Variants in NUP214 observed in about 807,000 individuals in gnomAD.
NUP214 encodes nuclear pore complex protein Nup214.
A neutral mutation model predicts 196.2 loss-of-function variants in NUP214; 79 were observed. The observed-to-expected ratio is 0.40, with a 90% CI of 0.34 to 0.49. The LOEUF (loss-of-function observed/expected upper bound fraction) is 0.49, where lower values mean the gene tolerates loss of function less well. Ranked by LOEUF, NUP214 falls within the 20% of genes least tolerant of loss-of-function variation. The probability of loss-of-function intolerance (pLI) is 0.58; values close to 1 mark genes in which losing one functional copy is unlikely to be tolerated. For missense variants in NUP214, 2,468 were observed against 2,539.0 expected, an observed-to-expected ratio of 0.97 and a Z score of 0.60; for synonymous variants, 1,020 against 990.5, an observed-to-expected ratio of 1.03 and a Z score of -0.56.
chr9:131,149,605 T>A (rs1832192703), intron 14 of NUP214, among the ~76,000 whole-genome samples: 2 of 151,964 alleles, frequency 1.3e-5, no homozygotes, highest in African/African-American at 4.8e-5. Context: ...TCTCACCTTG[T>A]TAACCTCTCG....
chr9:131,170,177 C>T (rs2133574452), intron 21 of NUP214, among the ~76,000 whole-genome samples: 1 of 151,790 alleles, frequency 6.6e-6, no homozygotes, highest in East Asian at 1.9e-4. Flanking sequence ...TATATTTTAC[C>T]ACAATAAAAA....
At position 131,197,876 on chromosome 9, in the gene NUP214, C is replaced by T. The variant is rs775150459; in HGVS notation, c.4382C>T (p.Ala1461Val). The T allele has an allele frequency of 1.5e-5, 24 of 1,613,722 alleles. No homozygotes were observed. The highest frequency in any genetic ancestry group is 1.9e-5 in the Non-Finnish European group (23 of 1,180,014). The change falls in exon 29 of 36, where the codon GCC becomes GTC. Residue 1461 changes from alanine (A) to valine (V), a missense_variant. Ala to Val is a moderately conservative substitution (Grantham distance 64, BLOSUM62 0). This residue lies in a region of NUP214 where 1,801 missense variants were observed against 1,779.4 expected (regional missense o/e 1.01). Coordinates refer to ENST00000359428, the MANE Select transcript of NUP214 (RefSeq NM_005085.4). ...PPSAPPPTTA[A>V]TPLPTSFPTL... ...TCTGCCCCACCACCAACTACAGCTG[C>T]CACTCCCCTTCCAACATCATTCCCC... is the stretch of plus-strand genomic sequence containing the variant.
intron 27 of NUP214, among the ~76,000 whole-genome samples, chr9:131,193,275 G>A (rs192447023): frequency 6.6e-6 from 1 of 151,230 alleles, no homozygotes; most frequent in Non-Finnish European, 1.5e-5. Flanking sequence ...AGATCAAAAT[G>A]TGTCAAAAGG....
intron 15 of NUP214, 72 bp from the exon 16 acceptor site, chr9:131,150,544 A>G (rs1832226753): frequency 1.9e-6 from 3 of 1,589,260 alleles, no homozygotes; most frequent in East Asian, 2.2e-5. Context: ...CTGAGCAGTT[A>G]GTAAGCACGA....
At position 131,145,550 on chromosome 9, in the gene NUP214, A is replaced by T. The variant is rs532939197; in HGVS notation, c.1770-579A>T. On this transcript the variant is annotated intron_variant, in intron 12 of 35. Coordinates refer to ENST00000359428, the MANE Select transcript of NUP214 (RefSeq NM_005085.4). ...ATCCACTTCATGCTAAGGGTTGCATAGTGTTCCATTTTGTTGACTGCACCA... is the reference window on the plus strand; with the variant it reads ...ATCCACTTCATGCTAAGGGTTGCATTGTGTTCCATTTTGTTGACTGCACCA... 2.0e-5 allele frequency among the ~76,000 whole-genome samples: 3 copies of T among 152,304 alleles called. No individual in the cohort carries two copies. In the East Asian group the frequency reaches 5.8e-4, roughly 29 times the overall value.
intron 21 of NUP214, among the ~76,000 whole-genome samples, chr9:131,169,356 A>G (rs571374916): frequency 6.6e-6 from 1 of 152,144 alleles, no homozygotes; most frequent in Admixed American, 6.6e-5. Context: ...TAAATTAAAT[A>G]AAATTGCAAG....
chr9:131,197,099 C>T, intron 28 of NUP214, 117 bp from the exon 29 acceptor site: 1 of 1,393,232 alleles, frequency 7.2e-7, no homozygotes, highest in African/African-American at 1.4e-5. Context: ...GAGAACAAGG[C>T]ACCCTGACTC....
At chr9:131,162,924 T>A in intron 18 of NUP214, 67 bp from the exon 19 acceptor site, 3 of 1,517,624 alleles carry the variant, frequency 2.0e-6, no homozygotes, top group Non-Finnish European at 2.7e-6. Flanking sequence ...TCTTGTTTGT[T>A]TTTTTACTGG....
chr9:131,175,423 C>T (rs768830525), intron 22 of NUP214, 37 bp from the exon 23 acceptor site: 1 of 1,611,126 alleles, frequency 6.2e-7, no homozygotes, highest in Non-Finnish European at 8.5e-7. Flanking sequence ...TTCCTGTTCT[C>T]TCACCCACTC....
chr9:131,144,249 A>T (rs774219113), intron 11 of NUP214, 31 bp from the exon 12 acceptor site: 5 of 1,534,928 alleles, frequency 3.3e-6, no homozygotes, highest in Non-Finnish European at 3.6e-6. Context: ...TTACAGTGTT[A>T]ACATTTTCCT....
chr9:131,144,871 G>T (rs1202306960), intron 12 of NUP214, 117 bp downstream of exon 12: 2 of 796,008 alleles, frequency 2.5e-6, no homozygotes, highest in Middle Eastern at 4.9e-4. Flanking sequence ...TTTACCCAGA[G>T]TGATACTTGC....
intron 8 of NUP214, 102 bp from the exon 9 acceptor site, chr9:131,135,838 T>A: frequency 1.2e-6 from 1 of 806,488 alleles, no homozygotes; most frequent in East Asian, 2.5e-5. Flanking sequence ...ACTCTCTCTT[T>A]GACATGTGGA....
rs369291968 is a variant in NUP214 at position 131,175,265 on chromosome 9, G to A, written c.3158-195G>A. 4.7e-4 allele frequency among the ~76,000 whole-genome samples: 71 copies of A among 152,336 alleles called. No homozygotes were observed. In the South Asian group the frequency reaches 0.013, roughly 29 times the overall value. On this transcript the variant is annotated intron_variant, in intron 22 of 35. Transcript: ENST00000359428. Reference sequence around the variant, plus strand: ...TATCAGGAAATGATGATGTATCTTAGTAGAGGTGGGTAGGCAAATTTCATG... The same window carrying A: ...TATCAGGAAATGATGATGTATCTTAATAGAGGTGGGTAGGCAAATTTCATG...
chr9:131,231,108 C>T (rs1442582753), intron 34 of NUP214, among the ~76,000 whole-genome samples: 2 of 152,108 alleles, frequency 1.3e-5, no homozygotes, highest in Admixed American at 6.5e-5. Flanking sequence ...GTGATTGCAC[C>T]ACTGCACTCC....
At chr9:131,210,035 G>A (rs985636756) in intron 30 of NUP214, among the ~76,000 whole-genome samples, 1 of 152,150 alleles carries the variant, frequency 6.6e-6, no homozygotes, top group Non-Finnish European at 1.5e-5. Flanking sequence ...TCAACCCTTA[G>A]TGAAATCTGA....
At chr9:131,219,967 C>T (rs1023651254) in intron 31 of NUP214, among the ~76,000 whole-genome samples, 4 of 152,152 alleles carry the variant, frequency 2.6e-5, no homozygotes, top group Non-Finnish European at 2.9e-5. Context: ...TAATTGCTAT[C>T]CAGTTTATAT....
intron 25 of NUP214, among the ~76,000 whole-genome samples, 166 bp downstream of exon 25, chr9:131,187,530 G>C (rs1833488671): frequency 6.6e-6 from 1 of 152,050 alleles, no homozygotes; most frequent in South Asian, 2.1e-4. Flanking sequence ...GGGATTACAG[G>C]CACCCACCAC....
chr9:131,193,770 G>A (rs1294712810), intron 27 of NUP214: 1 of 149,232 alleles, frequency 6.7e-6, no homozygotes, highest in Non-Finnish European at 1.5e-5. Flanking sequence ...TCTTGCCCTA[G>A]CCTCCCAAGT....
intron 23 of NUP214, among the ~76,000 whole-genome samples, chr9:131,177,873 C>G (rs890773947): frequency 6.6e-6 from 1 of 152,100 alleles, no homozygotes; most frequent in Admixed American, 6.6e-5. Flanking sequence ...ACTATAGATA[C>G]ATTTTGTATT....
Sources: gnomAD v4.1 joint callset for allele counts (sites outside exome capture counted in the v4.1 genomes callset) on GRCh38, gnomAD v4.1.1 for gene constraint, gnomAD v4.1.1 regional missense constraint, MANE v1.5 for transcripts, NCBI Gene and HGNC (gene_info 2026-07-23, HGNC 2026-07-21) for gene names.